Variants in ACSBG1 observed in about 807,000 individuals in gnomAD.
ACSBG1 encodes the protein long-chain-fatty-acid--CoA ligase ACSBG1.
A neutral mutation model predicts 80.2 loss-of-function variants in ACSBG1; 39 were observed. The observed-to-expected ratio is 0.49, with a 90% CI of 0.38 to 0.64. ACSBG1 has a LOEUF of 0.64. Among genes scored for constraint, ACSBG1 ranks in the 30% least tolerant of loss-of-function variants. ACSBG1 has a pLI of 0.00. For synonymous variants in ACSBG1, 392 were observed against 379.5 expected (o/e 1.03, Z -0.38); for missense variants, 828 against 966.4 (o/e 0.86, Z 1.90).
chr15:78,178,572 G>C lies in ACSBG1; in HGVS notation c.1702+42C>G. 1.3e-6 allele frequency: 2 copies of C among 1,565,690 alleles called. No homozygotes were observed. Among genetic ancestry groups the C allele is most frequent in the Non-Finnish European group, 1.7e-6 (2 of 1,157,436 alleles). On this transcript the variant is annotated intron_variant, in intron 11 of 13. Coordinates refer to ENST00000258873, the MANE Select transcript of ACSBG1 (RefSeq NM_015162.5). The surrounding 1 kb of genome is among the most constrained non-coding windows in gnomAD (Gnocchi z 4.3). The stretch of plus-strand genomic sequence containing the variant: ...CCGCCTTGGCCTCCCAAAGTGCTGG[G>C]ATTACAGGCATGAGCCACCGTGCCT...
At chr15:78,205,874 T>G (rs1234354816) in intron 2 of ACSBG1, among the ~76,000 whole-genome samples, 1 of 152,038 alleles carries the variant, frequency 6.6e-6, no homozygotes, top group Non-Finnish European at 1.5e-5. Flanking sequence ...CAATCCCCCT[T>G]CTTGTACAGA....
chr15:78,195,184 G>A (rs1358324651), intron 2 of ACSBG1, among the ~76,000 whole-genome samples: 1 of 152,164 alleles, frequency 6.6e-6, no homozygotes, highest in Admixed American at 6.5e-5. Flanking sequence ...GTCTGGAGGA[G>A]ACTGAAAACC....
chr15:78,224,387 T>C (rs1450019709), intron 1 of ACSBG1, among the ~76,000 whole-genome samples: 1 of 152,196 alleles, frequency 6.6e-6, no homozygotes, highest in African/African-American at 2.4e-5. Context: ...CAGCAATAGA[T>C]AACTAGAACA....
At chr15:78,221,640 AG>A (rs374797663) in intron 1 of ACSBG1, among the ~76,000 whole-genome samples, 16 of 152,054 alleles carry the variant, frequency 1.1e-4, no homozygotes, top group African/African-American at 3.6e-4. Flanking sequence ...GCTGGGGGAC[AG>A]TTAGGTCTTT....
intron 1 of ACSBG1, among the ~76,000 whole-genome samples, chr15:78,221,305 C>G (rs558680788): frequency 6.6e-6 from 1 of 152,016 alleles, no homozygotes; most frequent in Non-Finnish European, 1.5e-5. Flanking sequence ...GGGAGAAGAT[C>G]AGCAAGGAAA....
chr15:78,170,064 G>C lies in ACSBG1; in HGVS notation c.*1380C>G, dbSNP rs1266951895. 1 of 152,238 alleles carries C rather than the reference G, an allele frequency of 6.6e-6. No homozygotes were observed. Among genetic ancestry groups the C allele is most frequent in the Non-Finnish European group, 1.5e-5 (1 of 68,050 alleles). 9.4% of individuals were successfully genotyped at this position (152,238 alleles called of 1,614,324 possible). A position where few individuals can be genotyped will look rare whatever the true frequency, so the allele number is the denominator to read the frequency against. ...TACCAGTATAAGATGACATTCCAAA[G>C]ACTGGAGGCAACTCAGCCTGAGTTA... On this transcript the variant is annotated 3_prime_UTR_variant, in exon 14 of 14. Coordinates refer to ENST00000258873, the MANE Select transcript of ACSBG1 (RefSeq NM_015162.5).
intron 9 of ACSBG1, 46 bp downstream of exon 9, chr15:78,180,709 C>T (rs761668317): frequency 5.7e-6 from 9 of 1,591,012 alleles, no homozygotes; most frequent in Non-Finnish European, 6.9e-6. Flanking sequence ...GGGTTATGAC[C>T]CAGCCCACTC....
At chr15:78,207,923 A>G in intron 2 of ACSBG1, 79 bp downstream of exon 2, 1 of 284,792 alleles carries the variant, frequency 3.5e-6, no homozygotes. Flanking sequence ...GTGGTCCCCC[A>G]CACCACCCAC....
chr15:78,205,758 C>T (rs764053384), intron 2 of ACSBG1, among the ~76,000 whole-genome samples: 4 of 152,144 alleles, frequency 2.6e-5, no homozygotes, highest in Non-Finnish European at 5.9e-5. Flanking sequence ...CCCACGAATC[C>T]CTCCTCCCCA....
In ACSBG1 at chr15:78,219,582, G is replaced by A. The variant is rs139779326; in HGVS notation, c.132-11480C>T. Among the ~76,000 whole-genome samples, 464 of 152,288 alleles carry A rather than the reference G, an allele frequency of 3.0e-3. 1 individual carries two copies. The highest frequency in any genetic ancestry group is 0.01 in the African/African-American group (418 of 41,550). On this transcript the variant is annotated intron_variant, in intron 1 of 13. Coordinates refer to ENST00000258873, the MANE Select transcript of ACSBG1 (RefSeq NM_015162.5). The stretch of plus-strand genomic sequence containing the variant: ...TGATCGAGAGACTTAATATTGTTAA[G>A]ATGGTAATGCTCTCCAAATTTAACC...
intron 5 of ACSBG1, among the ~76,000 whole-genome samples, chr15:78,190,117 T>G (rs2075043943): frequency 6.6e-6 from 1 of 152,152 alleles, no homozygotes; most frequent in Non-Finnish European, 1.5e-5. Flanking sequence ...CTCTGAAAGA[T>G]ACTCAGCTGG....
chr15:78,196,833 G>A (rs2075118710), intron 2 of ACSBG1, among the ~76,000 whole-genome samples: 1 of 152,038 alleles, frequency 6.6e-6, no homozygotes, highest in Admixed American at 6.6e-5. Context: ...TGAGGAGACT[G>A]AGGCGGGGTA....
At position 78,193,934 on chromosome 15, in the gene ACSBG1, T is replaced by G; in HGVS notation, c.540A>C (p.Ala180=). ...CCGTCCCTGCCCCCGCCACTCACCC[T>G]GCAAATACTGTGCCCACTGCCGAGA... ...WFFSAVGTVF[A]GGIVTGIYTT... The change falls in exon 4 of 14, where the codon GCA becomes GCC. Residue 180 remains alanine, a splice_region_variant and synonymous_variant. Coordinates refer to ENST00000258873, the MANE Select transcript of ACSBG1 (RefSeq NM_015162.5). 1 of 1,612,622 alleles carries G rather than the reference T, an allele frequency of 6.2e-7. No individual in the cohort carries two copies. Among genetic ancestry groups the G allele is most frequent in the Non-Finnish European group, 8.5e-7 (1 of 1,179,458 alleles).
chr15:78,222,206 T>C (rs2075364458), intron 1 of ACSBG1, among the ~76,000 whole-genome samples: 1 of 152,232 alleles, frequency 6.6e-6, no homozygotes, highest in Admixed American at 6.5e-5. Flanking sequence ...GTAGATCATA[T>C]ATTGTATTAG....
At chr15:78,214,141 A>G (rs1399434194) in intron 1 of ACSBG1, among the ~76,000 whole-genome samples, 1 of 152,072 alleles carries the variant, frequency 6.6e-6, no homozygotes, top group Non-Finnish European at 1.5e-5. Context: ...GTGCCTTCTA[A>G]TACCCCCTCC....
At chr15:78,193,682 T>TCCCCCCCCCCCCCCAAAGGAGGC in intron 4 of ACSBG1, 56 bp from the exon 5 acceptor site, 1 of 1,560,282 alleles carries the variant, frequency 6.4e-7, no homozygotes, top group Non-Finnish European at 8.7e-7. Context: ...GCCACCCCCT[T>TCCCCCCCCCCCCCCAAAGGAGGC]CCCCCACCCC....
Position 78,171,285 on chromosome 15 carries a change from G to C in ACSBG1, c.*159C>G, listed in dbSNP as rs978421978. 2 of 549,026 alleles carry C rather than the reference G, an allele frequency of 3.6e-6. No homozygotes were observed. The highest frequency in any genetic ancestry group is 6.5e-6 in the Non-Finnish European group (2 of 308,930). The allele number at this position is 549,026 out of a possible 1,614,324, so 34.0% of individuals were successfully genotyped here. ...CTTGGAATTGTCAGCTATTGTTGGC[G>C]TAAGACCTGGTAAATGTAGAGCCAG... On this transcript the variant is annotated 3_prime_UTR_variant, in exon 14 of 14. Coordinates refer to ENST00000258873, the MANE Select transcript of ACSBG1 (RefSeq NM_015162.5).
chr15:78,230,286 C>T (rs2075435898), intron 1 of ACSBG1, among the ~76,000 whole-genome samples: 1 of 152,250 alleles, frequency 6.6e-6, no homozygotes. Context: ...CTCCGGACAC[C>T]TGCCCCAGTC....
In ACSBG1 at chr15:78,208,055, G is replaced by A; in HGVS notation, c.179C>T (p.Ala60Val). 6.2e-7 allele frequency: 1 copy of A among 1,614,092 alleles called. No individual in the cohort carries two copies. Reference protein sequence around the residue: ...QPLSKESLNHALELSVPEKVN... With the variant: ...QPLSKESLNHVLELSVPEKVN... ...CTTCTCTGGCACTGAGAGCTCGAGA[G>A]CATGGTTCAGGGACTCTTTGGAGAG... Residue 60 changes from alanine to valine, a missense_variant, in exon 2 of 14, where the codon GCT becomes GTT. Coordinates refer to ENST00000258873, the MANE Select transcript of ACSBG1 (RefSeq NM_015162.5).
Sources: allele counts gnomAD v4.1 joint callset (sites outside exome capture counted in the v4.1 genomes callset), GRCh38; gene constraint gnomAD v4.1.1; non-coding constraint Gnocchi (gnomAD v3.1); transcripts MANE v1.5; gene names NCBI Gene and HGNC (gene_info 2026-07-23, HGNC 2026-07-21).